CADM2: variants seen among roughly 807,000 people sequenced by gnomAD.
CADM2 encodes immunoglobulin superfamily member 4D.
CADM2 carries 12 observed loss-of-function variants against 49.8 expected under a neutral mutation model. That is an observed-to-expected ratio of 0.24 (90% confidence interval 0.15 to 0.39). CADM2 has a LOEUF of 0.39. Among genes scored for constraint, CADM2 ranks in the 10% least tolerant of loss-of-function variants. The pLI, the probability that CADM2 is intolerant of heterozygous loss-of-function variation, is 1.00. For missense variants in CADM2, 378 were observed against 492.3 expected (o/e 0.77, Z 2.20); for synonymous variants, 214 against 175.4 (o/e 1.22, Z -1.74).
At chr3:85,079,385 G>A (rs1271872067) in intron 1 of CADM2, among the ~76,000 whole-genome samples, 2 of 151,658 alleles carry the variant, frequency 1.3e-5, no homozygotes, top group Admixed American at 6.6e-5. Context: ...TGGGCTCATA[G>A]GTATAATCTA....
At chr3:84,995,492 T>C (rs929304215) in intron 1 of CADM2, among the ~76,000 whole-genome samples, 1 of 152,208 alleles carries the variant, frequency 6.6e-6, no homozygotes, top group Admixed American at 6.5e-5. Context: ...AAGCTTTAAT[T>C]TGGATTTGAT....
chr3:85,986,338 T>C (rs1404287554), intron 8 of CADM2, among the ~76,000 whole-genome samples: 1 of 152,074 alleles, frequency 6.6e-6, no homozygotes, highest in East Asian at 1.9e-4. Context: ...TCACCATAAA[T>C]GTACTCAAAT....
chr3:85,677,861 A>G (rs139339525), intron 1 of CADM2, among the ~76,000 whole-genome samples: 1 of 152,290 alleles, frequency 6.6e-6, no homozygotes, highest in Non-Finnish European at 1.5e-5. Flanking sequence ...TCTGATTATT[A>G]TGATGGGGAT....
chr3:85,606,092 A>T (rs1290154473), intron 1 of CADM2, among the ~76,000 whole-genome samples: 2 of 152,122 alleles, frequency 1.3e-5, no homozygotes, highest in African/African-American at 4.8e-5. Flanking sequence ...CTGAGCATGC[A>T]TGTCTGCATG....
intron 8 of CADM2, chr3:85,992,969 T>C (rs1341084076): frequency 6.6e-6 from 1 of 152,190 alleles, no homozygotes; most frequent in Non-Finnish European, 1.5e-5. Context: ...AAAATTAAAG[T>C]CAATCCTCTG....
chr3:85,837,506 A>G (rs59605482), intron 3 of CADM2, among the ~76,000 whole-genome samples: 6,563 of 151,712 alleles, frequency 0.043, 444 homozygotes, highest in African/African-American at 0.15. Flanking sequence ...GGTAGAGCTA[A>G]GGAATCAGAG....
intron 1 of CADM2, among the ~76,000 whole-genome samples, chr3:85,135,567 A>G (rs970112729): frequency 6.6e-6 from 1 of 152,234 alleles, no homozygotes. Context: ...AAATCAGAAT[A>G]CCATCACTGC....
intron 1 of CADM2, among the ~76,000 whole-genome samples, chr3:85,409,841 A>G (rs2035576083): frequency 6.6e-6 from 1 of 152,152 alleles, no homozygotes; most frequent in African/African-American, 2.4e-5. Flanking sequence ...CAAATTTTCT[A>G]CCTGAAACAA....
At chr3:85,438,131 A>G (rs2037019090) in intron 1 of CADM2, among the ~76,000 whole-genome samples, 1 of 152,060 alleles carries the variant, frequency 6.6e-6, no homozygotes, top group African/African-American at 2.4e-5. Flanking sequence ...TTATTTATTT[A>G]TTGCTTACTA....
intron 8 of CADM2, among the ~76,000 whole-genome samples, chr3:85,995,174 C>T (rs1228286673): frequency 6.6e-6 from 1 of 151,956 alleles, no homozygotes; most frequent in Admixed American, 6.6e-5. Flanking sequence ...TACTTTGCCT[C>T]TTTACTTAAT....
chr3:85,443,344 T>C (rs2037297649), intron 1 of CADM2, among the ~76,000 whole-genome samples: 2 of 152,158 alleles, frequency 1.3e-5, no homozygotes, highest in African/African-American at 4.8e-5. Flanking sequence ...TATATACTCA[T>C]ACTCATCAAA....
chr3:85,294,436 C>T (rs1427857389), intron 1 of CADM2, among the ~76,000 whole-genome samples: 3 of 151,808 alleles, frequency 2.0e-5, no homozygotes, highest in Non-Finnish European at 4.4e-5. Flanking sequence ...TTGGAAAAAA[C>T]TACTTTAAAG....
At chr3:85,639,904 C>T (rs1442906947) in intron 1 of CADM2, among the ~76,000 whole-genome samples, 1 of 152,122 alleles carries the variant, frequency 6.6e-6, no homozygotes, top group Non-Finnish European at 1.5e-5. Flanking sequence ...GCCCTAACTC[C>T]AAATCTTTTT....
At chr3:85,875,073 G>A (rs979833181) in intron 3 of CADM2, among the ~76,000 whole-genome samples, 8 of 152,156 alleles carry the variant, frequency 5.3e-5, no homozygotes, top group South Asian at 2.1e-4. Flanking sequence ...GTAAAAATTC[G>A]GTCCAGGCTG....
At chr3:85,074,316 A>C (rs372422048) in intron 1 of CADM2, among the ~76,000 whole-genome samples, 3 of 151,476 alleles carry the variant, frequency 2.0e-5, no homozygotes, top group African/African-American at 7.3e-5. Flanking sequence ...TAAAATCTCA[A>C]CTTCTCAGTG....
intron 1 of CADM2, among the ~76,000 whole-genome samples, chr3:85,713,461 T>A (rs1208867905): frequency 2.0e-5 from 3 of 152,140 alleles, no homozygotes; most frequent in African/African-American, 2.4e-5. Flanking sequence ...AAACCATAGT[T>A]TATATCCTAC....
intron 3 of CADM2, among the ~76,000 whole-genome samples, chr3:85,832,508 C>A (rs1409534281): frequency 6.6e-6 from 1 of 151,798 alleles, no homozygotes; most frequent in Non-Finnish European, 1.5e-5. Context: ...TTTTGTAGTT[C>A]TCTTTGTAGA....
At chr3:85,232,432 T>A (rs1023428694) in intron 1 of CADM2, among the ~76,000 whole-genome samples, 2 of 152,244 alleles carry the variant, frequency 1.3e-5, no homozygotes, top group South Asian at 4.2e-4. Flanking sequence ...TCAGATCTTC[T>A]TTTTGTACTC....
At chr3:85,614,364 G>A (rs1345158586) in intron 1 of CADM2, among the ~76,000 whole-genome samples, 1 of 151,316 alleles carries the variant, frequency 6.6e-6, no homozygotes, top group Non-Finnish European at 1.5e-5. Context: ...TAGTTTTGTA[G>A]TGAATATATA....
Sources: gnomAD v4.1 joint callset for allele counts (sites outside exome capture counted in the v4.1 genomes callset) on GRCh38, gnomAD v4.1.1 for gene constraint, MANE v1.5 for transcripts, NCBI Gene and HGNC (gene_info 2026-07-23, HGNC 2026-07-21) for gene names.